Variants in ALK observed in about 807,000 individuals in gnomAD.
The protein encoded by ALK is ALK receptor tyrosine kinase, also known as ALK tyrosine kinase receptor.
A neutral mutation model predicts 163.1 loss-of-function variants in ALK; 74 were observed. That is an observed-to-expected ratio of 0.45 (90% CI 0.38 to 0.55). The LOEUF is 0.55. Ranked by LOEUF, ALK falls within the 20% of genes least tolerant of loss-of-function variation. The pLI is 0.00. For synonymous variants in ALK, 960 were observed against 843.2 expected (o/e 1.14, Z -2.40); for missense variants, 2,063 against 2,105.3 (o/e 0.98, Z 0.39).
intron 1 of ALK, among the ~76,000 whole-genome samples, chr2:29,832,021 A>C (rs185681568): frequency 7.7e-4 from 118 of 152,338 alleles, no homozygotes; most frequent in Non-Finnish European, 1.5e-3. Flanking sequence ...AAGAACCTCT[A>C]GCAACAGGAA....
intron 3 of ALK, among the ~76,000 whole-genome samples, chr2:29,689,032 C>T (rs1460854905): frequency 6.6e-6 from 1 of 152,154 alleles, no homozygotes; most frequent in Non-Finnish European, 1.5e-5. Context: ...CGTCCGTCTC[C>T]ATCTTACTGA....
chr2:29,212,866 TG>T (rs960918839), intron 24 of ALK, among the ~76,000 whole-genome samples: 2 of 152,090 alleles, frequency 1.3e-5, no homozygotes, highest in African/African-American at 4.8e-5. Context: ...CCACCATGCC[TG>T]GCTAATTTTG....
intron 6 of ALK, among the ~76,000 whole-genome samples, chr2:29,325,062 G>A (rs1269432846): frequency 3.3e-5 from 5 of 152,170 alleles, no homozygotes; most frequent in Non-Finnish European, 5.9e-5. Context: ...CCTCTGGGAA[G>A]GTGTGGGGAG....
intron 3 of ALK, 113 bp from the exon 4 acceptor site, chr2:29,532,229 T>G: frequency 4.1e-6 from 4 of 980,906 alleles, no homozygotes; most frequent in Non-Finnish European, 6.3e-6. Context: ...CTGGAGGCCA[T>G]TATCTCCTTC....
intron 3 of ALK, among the ~76,000 whole-genome samples, chr2:29,669,729 G>C (rs1289720953): frequency 6.6e-6 from 1 of 151,636 alleles, no homozygotes; most frequent in Non-Finnish European, 1.5e-5. Context: ...GTTTTAATTT[G>C]TTGCTTTTTA....
Position 29,403,601 on chromosome 2 carries a change from C to T in ALK, c.1155-19742G>A, listed in dbSNP as rs184499271. ...ATTGGTGGGAGGGTGGGGGCGCTGG[C>T]ATGCTTGTTCACACCTATAATCCCA... On this transcript the variant is annotated intron_variant, in intron 4 of 28. Transcript: ENST00000389048. 2.7e-5 allele frequency among the ~76,000 whole-genome samples: 4 copies of T among 148,226 alleles called. No homozygotes were observed. In the Admixed American group the frequency reaches 2.8e-4, roughly 10 times the overall value.
Position 29,207,139 on chromosome 2 carries a change from C to T in ALK, c.3938+32G>A, listed in dbSNP as rs201164113. The T allele has an allele frequency of 1.5e-5, 23 of 1,564,866 alleles. 1 individual carries two copies. Among genetic ancestry groups the T allele is most frequent in the Middle Eastern group, 3.5e-4 (2 of 5,754 alleles). ...GCCCAGGAGCACCACCTTATGGCTG[C>T]AGGGATACCTGGAGGATGATGGCTG... On this transcript the variant is annotated intron_variant, in intron 26 of 28. Coordinates refer to ENST00000389048, the MANE Select transcript of ALK (RefSeq NM_004304.5).
intron 26 of ALK, among the ~76,000 whole-genome samples, chr2:29,203,216 T>C (rs1669225219): frequency 6.6e-6 from 1 of 152,100 alleles, no homozygotes. Context: ...CAACAAAGGC[T>C]CTTGCTCTCA....
At chr2:29,309,384 T>C (rs1047955324) in intron 8 of ALK, among the ~76,000 whole-genome samples, 2 of 152,206 alleles carry the variant, frequency 1.3e-5, no homozygotes, top group African/African-American at 2.4e-5. Flanking sequence ...AAGATCCTAT[T>C]CACACCCAGG....
chr2:29,212,083 G>T (rs775871761), intron 24 of ALK, among the ~76,000 whole-genome samples: 2 of 152,198 alleles, frequency 1.3e-5, no homozygotes, highest in African/African-American at 2.4e-5. Flanking sequence ...GAATCTGTAT[G>T]CTATGGTGAC....
At chr2:29,219,084 G>A (rs2148164699) in intron 23 of ALK, among the ~76,000 whole-genome samples, 1 of 152,294 alleles carries the variant, frequency 6.6e-6, no homozygotes, top group Middle Eastern at 3.4e-3. Context: ...TAATCTCTCT[G>A]GGCCACCGTT....
chr2:29,715,502 G>T (rs921221994), intron 2 of ALK, among the ~76,000 whole-genome samples: 1 of 152,164 alleles, frequency 6.6e-6, no homozygotes, highest in Non-Finnish European at 1.5e-5. Context: ...GGTTTATCAG[G>T]GCCAAGCCAT....
At chr2:29,691,684 T>C (rs1678400334) in intron 3 of ALK, among the ~76,000 whole-genome samples, 1 of 152,176 alleles carries the variant, frequency 6.6e-6, no homozygotes, top group Admixed American at 6.5e-5. Flanking sequence ...TTTTCTTCCT[T>C]CCCTCCTCTC....
At chr2:29,221,882 A>C (rs1669814872) in intron 22 of ALK, among the ~76,000 whole-genome samples, 1 of 152,180 alleles carries the variant, frequency 6.6e-6, no homozygotes, top group South Asian at 2.1e-4. Flanking sequence ...TTAAATCCAG[A>C]TCTTGGAGCC....
rs752571760 is a variant in ALK, at chr2:29,555,054, G to T, written c.953-22938C>A. On this transcript the variant is annotated intron_variant, in intron 3 of 28. Coordinates refer to ENST00000389048, the MANE Select transcript of ALK (RefSeq NM_004304.5). ...ATAACCTTAAAAAAGGGCAACAGCAGCCCTCAGGGCTGCTCTGTCTATGGA... is the reference window on the plus strand; with the variant it reads ...ATAACCTTAAAAAAGGGCAACAGCATCCCTCAGGGCTGCTCTGTCTATGGA... 2.0e-5 allele frequency among the ~76,000 whole-genome samples: 3 copies of T among 152,282 alleles called. 1 individual carries two copies. In the South Asian group the frequency reaches 6.2e-4, roughly 32 times the overall value.
intron 2 of ALK, among the ~76,000 whole-genome samples, chr2:29,716,887 G>A (rs3113351): frequency 0.65 from 97,275 of 150,630 alleles, 35,620 homozygotes; most frequent in Non-Finnish European, 0.81. Context: ...GCTCACTCCT[G>A]TAATCCCAGC....
chr2:29,788,076 G>C (rs143019524), intron 1 of ALK, among the ~76,000 whole-genome samples: 104 of 152,346 alleles, frequency 6.8e-4, no homozygotes, highest in African/African-American at 2.3e-3. Flanking sequence ...CAATTGCTAA[G>C]AGATGTACCT....
chr2:29,887,268 G>A (rs1189542072), intron 1 of ALK, among the ~76,000 whole-genome samples: 1 of 152,210 alleles, frequency 6.6e-6, no homozygotes, highest in African/African-American at 2.4e-5. Flanking sequence ...GCACAGGGTG[G>A]CTTCATTCAT....
chr2:29,840,493 A>G (rs955710499), intron 1 of ALK, among the ~76,000 whole-genome samples: 1 of 152,176 alleles, frequency 6.6e-6, no homozygotes, highest in Non-Finnish European at 1.5e-5. Flanking sequence ...TTGTCTATAA[A>G]TCATCTGGTT....
Sources: gnomAD v4.1 joint callset for allele counts (sites outside exome capture counted in the v4.1 genomes callset) on GRCh38, gnomAD v4.1.1 for gene constraint, MANE v1.5 for transcripts, NCBI Gene and HGNC (gene_info 2026-07-23, HGNC 2026-07-21) for gene names.